Variants in ARFGEF3 observed in about 807,000 individuals in gnomAD.
The protein encoded by ARFGEF3 is ARFGEF family member 3, also known as brefeldin A-inhibited guanine nucleotide-exchange protein 3.
A neutral mutation model predicts 221.7 loss-of-function variants in ARFGEF3; 96 were observed. The observed-to-expected ratio is 0.43, with a 90% confidence interval of 0.37 to 0.51. The LOEUF (loss-of-function observed/expected upper bound fraction) is 0.51. Among genes scored for constraint, ARFGEF3 ranks in the 20% least tolerant of loss-of-function variants. ARFGEF3 has a pLI of 0.00. For missense variants in ARFGEF3, 2,410 were observed against 2,789.9 expected (o/e 0.86, Z 3.07); for synonymous variants, 1,145 against 1,126.8 (o/e 1.02, Z -0.32).
chr6:138,170,570 C>T, intron 1 of ARFGEF3, 92 bp from the exon 2 acceptor site: 2 of 694,326 alleles, frequency 2.9e-6, no homozygotes, highest in Non-Finnish European at 5.0e-6. Flanking sequence ...TAGAGGAATT[C>T]CTGAAAAGAG....
intron 16 of ARFGEF3, 58 bp downstream of exon 16, chr6:138,286,974 C>T: frequency 6.3e-7 from 1 of 1,594,318 alleles, no homozygotes; most frequent in Non-Finnish European, 8.6e-7. Flanking sequence ...TGGGAATGAC[C>T]CAGCAGGGTG....
chr6:138,291,974 TC>T lies in ARFGEF3; in HGVS notation c.3291del (p.Asp1098ThrfsTer8). ...LVREGSRGRA[S>X]DFRGGSLMSG... The stretch of plus-strand genomic sequence containing the variant: ...CCGGGAAGGCAGCCGGGGTCGGGCC[TC>T]CGACTTCCGCGGCGGGAGCCTCATG... On this transcript the variant is annotated frameshift_variant, in exon 19 of 34. Transcript: ENST00000251691. LOFTEE classifies it high-confidence loss of function. This position sits in a 1 kb window ranked among gnomAD's most constrained non-coding sequence, Gnocchi z 4.5. 2 of 1,535,484 alleles carry T rather than the reference TC, an allele frequency of 1.3e-6. No individual in the cohort carries two copies. Among genetic ancestry groups the T allele is most frequent in the Non-Finnish European group, 1.7e-6 (2 of 1,143,904 alleles).
chr6:138,334,340 A>G lies in ARFGEF3; in HGVS notation c.5494A>G (p.Ile1832Val). The change falls in exon 33 of 34, where the codon ATC becomes GTC. Residue 1832 changes from isoleucine (I) to valine (V), a missense_variant. By Grantham distance (29) the Ile-to-Val change is conservative. This residue lies in a region of ARFGEF3 where 723 missense variants were observed against 991.9 expected (regional missense o/e 0.73). Coordinates refer to ENST00000251691, the MANE Select transcript of ARFGEF3 (RefSeq NM_020340.5). The surrounding 1 kb of genome is among the most constrained non-coding windows in gnomAD (Gnocchi z 5.1). ...VCAVLTNQET[I>V]TAEQVKKVLF... ...TGCTGTTCTCACCAATCAAGAAACC[A>G]TCACGGCCGAGCAAGTGAAGAAGGT... The G allele has an allele frequency of 1.2e-6, 2 of 1,613,910 alleles. No individual in the cohort carries two copies. Among genetic ancestry groups the G allele is most frequent in the South Asian group, 2.2e-5 (2 of 91,050 alleles).
rs1780409293 is a variant in ARFGEF3, at chr6:138,340,467, T to A, written c.*3981T>A. On this transcript the variant is annotated 3_prime_UTR_variant, in exon 34 of 34. Coordinates refer to ENST00000251691, the MANE Select transcript of ARFGEF3 (RefSeq NM_020340.5). Reference sequence around the variant, plus strand: ...TCACAATACTGCTTATACAGGAAAGTTTTCTCAGAAAGGAAAATCCATTAG... The same window carrying A: ...TCACAATACTGCTTATACAGGAAAGATTTCTCAGAAAGGAAAATCCATTAG... The A allele has an allele frequency of 6.6e-6, 1 of 152,114 alleles. No homozygotes were observed. Among genetic ancestry groups the A allele is most frequent in the South Asian group, 2.1e-4 (1 of 4,816 alleles). The allele number at this position is 152,114 out of a possible 1,614,324, so 9.4% of individuals were successfully genotyped here.
At position 138,319,887 on chromosome 6, in the gene ARFGEF3, A is replaced by G. The variant is rs1387999914; in HGVS notation, c.4651+8A>G. On this transcript the variant is annotated splice_region_variant and intron_variant, in intron 28 of 33. Transcript: ENST00000251691. ...AAAGCTTTCTACATTCAGGTATCTG[A>G]AGTGCCAGAGCAGTTCATTCTGGGT... 6.2e-7 allele frequency: 1 copy of G among 1,613,370 alleles called. No homozygotes were observed. The highest frequency in any genetic ancestry group is 1.1e-5 in the South Asian group (1 of 91,014).
chr6:138,169,911 A>G (rs1049557410), intron 1 of ARFGEF3, among the ~76,000 whole-genome samples: 4 of 152,210 alleles, frequency 2.6e-5, no homozygotes, highest in South Asian at 2.1e-4. Flanking sequence ...TCCTTCCCCA[A>G]TGAAAATAGT....
At chr6:138,265,004 T>C (rs61373967) in intron 12 of ARFGEF3, among the ~76,000 whole-genome samples, 6,239 of 151,284 alleles carry the variant, frequency 0.041, 318 homozygotes, top group African/African-American at 0.12. Context: ...CCCGGGTTCA[T>C]GCCATTCTCC....
chr6:138,250,647 C>T (rs1778564055), intron 8 of ARFGEF3, among the ~76,000 whole-genome samples: 1 of 152,232 alleles, frequency 6.6e-6, no homozygotes, highest in Non-Finnish European at 1.5e-5. Flanking sequence ...CTAGGCTGCC[C>T]TCCCAGTAGC....
chr6:138,242,282 G>A (rs571956708), intron 6 of ARFGEF3, among the ~76,000 whole-genome samples: 35 of 152,216 alleles, frequency 2.3e-4, no homozygotes, highest in Admixed American at 4.6e-4. Flanking sequence ...TAGTCACTGA[G>A]TTATCCCTGC....
At chr6:138,261,101 T>A (rs918265368) in intron 10 of ARFGEF3, among the ~76,000 whole-genome samples, 1 of 152,178 alleles carries the variant, frequency 6.6e-6, no homozygotes, top group African/African-American at 2.4e-5. Context: ...CAATCTTCCA[T>A]GAACTTTTTC....
chr6:138,343,717 G>T lies in ARFGEF3; in HGVS notation c.*7231G>T, dbSNP rs1294748277. Reference sequence around the variant, plus strand: ...GCCCTGACACTGCCAGCCCCAGTGAGCATCCCTGGCTACCTCGGGATTATG... The same window carrying T: ...GCCCTGACACTGCCAGCCCCAGTGATCATCCCTGGCTACCTCGGGATTATG... On this transcript the variant is annotated 3_prime_UTR_variant, in exon 34 of 34. Transcript: ENST00000251691. 6.6e-6 allele frequency: 1 copy of T among 152,142 alleles called. No individual in the cohort carries two copies. Among genetic ancestry groups the T allele is most frequent in the African/African-American group, 2.4e-5 (1 of 41,428 alleles). 9.4% of individuals were successfully genotyped at this position (152,142 alleles called of 1,614,324 possible).
chr6:138,266,331 G>A (rs554632547), intron 12 of ARFGEF3, among the ~76,000 whole-genome samples: 1 of 152,084 alleles, frequency 6.6e-6, no homozygotes, highest in African/African-American at 2.4e-5. Flanking sequence ...CAGAGAGAAA[G>A]AAGGGAAGGC....
chr6:138,251,398 G>A (rs1048832509), intron 8 of ARFGEF3, among the ~76,000 whole-genome samples: 17 of 152,170 alleles, frequency 1.1e-4, no homozygotes, highest in Non-Finnish European at 1.8e-4. Flanking sequence ...GATTAACTGA[G>A]ACTACAGTGA....
intron 14 of ARFGEF3, among the ~76,000 whole-genome samples, chr6:138,280,531 A>G (rs1437842737): frequency 6.6e-6 from 1 of 152,236 alleles, no homozygotes; most frequent in Non-Finnish European, 1.5e-5. Flanking sequence ...GGGGTTTACC[A>G]ATAAATGTAA....
At chr6:138,323,347 C>G (rs1780068572) in intron 29 of ARFGEF3, among the ~76,000 whole-genome samples, 1 of 152,088 alleles carries the variant, frequency 6.6e-6, no homozygotes, top group Non-Finnish European at 1.5e-5. Flanking sequence ...CGCGGTGTCC[C>G]ACACCTATAA....
At chr6:138,185,493 A>G (rs6914531) in intron 2 of ARFGEF3, among the ~76,000 whole-genome samples, 2,405 of 152,330 alleles carry the variant, frequency 0.016, 36 homozygotes, top group Middle Eastern at 0.058. Flanking sequence ...TGCAGCTGCC[A>G]TAACCAATCT....
chr6:138,254,858 A>T (rs1450415087), intron 9 of ARFGEF3, among the ~76,000 whole-genome samples: 1 of 152,250 alleles, frequency 6.6e-6, no homozygotes, highest in African/African-American at 2.4e-5. Flanking sequence ...ATGAGAGACC[A>T]GAACCAGAAA....
intron 2 of ARFGEF3, among the ~76,000 whole-genome samples, chr6:138,192,227 G>A (rs1023458812): frequency 9.2e-5 from 14 of 152,138 alleles, no homozygotes; most frequent in African/African-American, 2.9e-4. Flanking sequence ...GGTGGTTCAC[G>A]CCTGTAATCC....
In ARFGEF3 at chr6:138,326,681, CCATTGTGGAAG is replaced by C. The variant is rs1218859657; in HGVS notation, c.5002-1339_5002-1329del. On this transcript the variant is annotated intron_variant, in intron 31 of 33. Coordinates refer to ENST00000251691, the MANE Select transcript of ARFGEF3 (RefSeq NM_020340.5). ...TTGGCGGGAGTATAAATTAGTTTAA[CCATTGTGGAAG>C]ACAGTGTGGTGATTCCTCAAAGACC... 3.9e-5 allele frequency among the ~76,000 whole-genome samples: 6 copies of C among 152,242 alleles called. No homozygotes were observed. The East Asian group carries it at 1.2e-3, about 29-fold the overall frequency.
Sources: allele counts gnomAD v4.1 joint callset (sites outside exome capture counted in the v4.1 genomes callset), GRCh38; gene constraint gnomAD v4.1.1; regional missense constraint gnomAD v4.1.1; non-coding constraint Gnocchi (gnomAD v3.1); transcripts MANE v1.5; gene names NCBI Gene and HGNC (gene_info 2026-07-23, HGNC 2026-07-21).